The following KHDRBS3 variants were observed in gnomAD, a reference collection of about 807,000 sequenced individuals.
The protein encoded by KHDRBS3 is KH domain-containing, RNA-binding, signal transduction-associated protein 3.
Under a neutral mutation model 45.6 loss-of-function variants are expected in KHDRBS3, and 23 were observed. The ratio of observed to expected loss-of-function variants is 0.50; its 90% CI spans 0.36 to 0.72. KHDRBS3 has a LOEUF of 0.72. Among genes scored for constraint, KHDRBS3 ranks in the 30% least tolerant of loss-of-function variants. The probability of loss-of-function intolerance (pLI) is 0.00; values close to 1 mark genes in which losing one functional copy is unlikely to be tolerated. For missense variants in KHDRBS3, 352 were observed against 424.8 expected (o/e 0.83, Z 1.51); for synonymous variants, 162 against 156.5 (o/e 1.04, Z -0.26).
chr8:135,537,750 G>A (rs1825849162), intron 2 of KHDRBS3, among the ~76,000 whole-genome samples: 1 of 152,082 alleles, frequency 6.6e-6, no homozygotes, highest in Non-Finnish European at 1.5e-5. Flanking sequence ...ATGATAATTT[G>A]TAAATTTGTA....
rs776878307 is a variant in KHDRBS3, at chr8:135,548,821, T to C, written c.392T>C (p.Ile131Thr). 1.2e-6 allele frequency: 2 copies of C among 1,605,570 alleles called. No homozygotes were observed. The highest frequency in any genetic ancestry group is 1.1e-5 in the South Asian group (1 of 89,392). ...FHLNDDLHVL[I>T]EVFAPPAEAY... is the part of the protein sequence containing the mutation. ...CTCAATGATGATCTCCATGTTCTCA[T>C]TGAAGTGTTTGCCCCACCTGCAGAA... Residue 131 changes from isoleucine to threonine, a missense_variant, in exon 4 of 9, where the codon ATT (isoleucine) becomes ACT (threonine). Physicochemically the swap from Ile to Thr is moderately conservative, Grantham distance 89. Transcript: ENST00000355849.
rs35390519 is a variant in KHDRBS3 at position 135,473,583 on chromosome 8, G to T, written c.88+15629G>T. Reference sequence around the variant, plus strand: ...CACAACCTTTGATGTATAAATTGCCGGATTTCCCCAGTCCTTTCATTGTGG... The same window carrying T: ...CACAACCTTTGATGTATAAATTGCCTGATTTCCCCAGTCCTTTCATTGTGG... On this transcript the variant is annotated intron_variant, in intron 1 of 8. Transcript: ENST00000355849. 9.7e-3 allele frequency among the ~76,000 whole-genome samples: 1,469 copies of T among 152,160 alleles called. 15 individuals are homozygous for T. The highest frequency in any genetic ancestry group is 0.017 in the Non-Finnish European group (1,145 of 68,014).
chr8:135,536,912 A>T (rs1341418456), intron 2 of KHDRBS3, among the ~76,000 whole-genome samples: 4 of 133,490 alleles, frequency 3.0e-5, no homozygotes, highest in African/African-American at 1.1e-4. Context: ...GTGAGCCGAG[A>T]TTGCGCCACT....
intron 4 of KHDRBS3, 175 bp downstream of exon 4, chr8:135,549,075 A>ATGT: frequency 4.9e-6 from 2 of 406,626 alleles, no homozygotes. Flanking sequence ...ATTATTCCTT[A>ATGT]TGTATATATG....
At chr8:135,508,555 T>C (rs1006334502) in intron 1 of KHDRBS3, among the ~76,000 whole-genome samples, 1 of 152,182 alleles carries the variant, frequency 6.6e-6, no homozygotes, top group Non-Finnish European at 1.5e-5. Context: ...TACTTAATGA[T>C]GTTTGCAATT....
chr8:135,549,650 C>G (rs541281419), intron 4 of KHDRBS3: 1 of 152,184 alleles, frequency 6.6e-6, no homozygotes, highest in Non-Finnish European at 1.5e-5. Context: ...AATCGTAAAG[C>G]ATCAACACTT....
At chr8:135,469,532 T>TTG (rs1821895550) in intron 1 of KHDRBS3, among the ~76,000 whole-genome samples, 3 of 44,942 alleles carry the variant, frequency 6.7e-5, no homozygotes, top group African/African-American at 1.3e-4. Context: ...GGTTTTTTTT[T>TTG]TTTTTTTTTT....
At chr8:135,579,049 G>A (rs542792862) in intron 5 of KHDRBS3, among the ~76,000 whole-genome samples, 6 of 152,222 alleles carry the variant, frequency 3.9e-5, no homozygotes, top group Non-Finnish European at 5.9e-5. Flanking sequence ...TGTTTTACTA[G>A]CTTATTAGCT....
intron 6 of KHDRBS3, among the ~76,000 whole-genome samples, chr8:135,584,387 C>T (rs1379101337): frequency 1.3e-5 from 2 of 152,238 alleles, no homozygotes; most frequent in Non-Finnish European, 2.9e-5. Context: ...TATAGTGGGA[C>T]ACCAAAGGAA....
chr8:135,536,250 T>A (rs551726504), intron 2 of KHDRBS3, among the ~76,000 whole-genome samples: 46 of 113,724 alleles, frequency 4.0e-4, no homozygotes, highest in African/African-American at 2.4e-3. Flanking sequence ...TTTTTTTTTT[T>A]TTTTTTTTTT....
chr8:135,535,473 A>G (rs897219086), intron 2 of KHDRBS3, among the ~76,000 whole-genome samples: 4 of 149,702 alleles, frequency 2.7e-5, no homozygotes, highest in African/African-American at 9.8e-5. Context: ...GCAAATAGGG[A>G]CTCATAATTT....
intron 1 of KHDRBS3, among the ~76,000 whole-genome samples, chr8:135,512,649 T>C (rs557626742): frequency 7.9e-5 from 12 of 152,318 alleles, no homozygotes; most frequent in African/African-American, 2.6e-4. Flanking sequence ...TTTTAAACAT[T>C]CATTCATTCA....
chr8:135,466,649 A>C (rs1355363158), intron 1 of KHDRBS3, among the ~76,000 whole-genome samples: 5 of 152,160 alleles, frequency 3.3e-5, no homozygotes, highest in African/African-American at 1.2e-4. Context: ...TTGGTGTGCA[A>C]ATTTCTGCTT....
chr8:135,479,438 T>G (rs953696706), intron 1 of KHDRBS3, among the ~76,000 whole-genome samples: 1 of 152,226 alleles, frequency 6.6e-6, no homozygotes, highest in Non-Finnish European at 1.5e-5. Context: ...GCTTCTGTCT[T>G]AGTCCTTTGG....
chr8:135,490,989 G>A (rs1024626108), intron 1 of KHDRBS3, among the ~76,000 whole-genome samples: 4 of 152,132 alleles, frequency 2.6e-5, no homozygotes, highest in Admixed American at 2.0e-4. Flanking sequence ...GTGTTTCTTT[G>A]CGTTTCTTTG....
chr8:135,630,456 T>A (rs1830546865), intron 7 of KHDRBS3, among the ~76,000 whole-genome samples: 1 of 118,934 alleles, frequency 8.4e-6, no homozygotes, highest in Non-Finnish European at 1.8e-5. Flanking sequence ...TGGGGTAATA[T>A]CTACCCACAA....
intron 7 of KHDRBS3, among the ~76,000 whole-genome samples, chr8:135,623,483 A>G (rs1830232636): frequency 6.6e-6 from 1 of 152,148 alleles, no homozygotes; most frequent in Admixed American, 6.5e-5. Flanking sequence ...TAAAATTATG[A>G]AGTTGCAGAG....
At chr8:135,516,512 TG>T (rs1824610816) in intron 1 of KHDRBS3, among the ~76,000 whole-genome samples, 1 of 152,116 alleles carries the variant, frequency 6.6e-6, no homozygotes, top group Non-Finnish European at 1.5e-5. Flanking sequence ...GATGTAAAAC[TG>T]TATATCAATA....
rs560947911 is a variant in KHDRBS3, at chr8:135,618,495, A to G, written c.890+11458A>G. ...TACATACTAATAAGTCATTATATCA[A>G]TGGTAACTATATTTCTCTCCTAGTT... On this transcript the variant is annotated intron_variant, in intron 7 of 8. Transcript: ENST00000355849. Among the ~76,000 whole-genome samples the G allele has an allele frequency of 6.6e-5, 10 of 152,352 alleles. 1 individual carries two copies. The South Asian group carries it at 1.7e-3, about 25-fold the overall frequency.
Sources: allele counts gnomAD v4.1 joint callset (sites outside exome capture counted in the v4.1 genomes callset), GRCh38; gene constraint gnomAD v4.1.1; transcripts MANE v1.5; gene names NCBI Gene and HGNC (gene_info 2026-07-23, HGNC 2026-07-21).